Variants in EEFSEC observed in about 807,000 individuals in gnomAD.
EEFSEC encodes selenocysteine-specific elongation factor.
In EEFSEC, 43 loss-of-function variants were observed where a neutral mutation model predicts 42.1. The observed-to-expected ratio is 1.02, with a 90% CI of 0.80 to 1.32. The LOEUF is 1.32. Ranked by LOEUF, EEFSEC falls within the 40% of genes most tolerant of loss-of-function variation. The pLI is 0.00. For missense variants in EEFSEC, 745 were observed against 803.6 expected (o/e 0.93, Z 0.88); for synonymous variants, 354 against 339.1 (o/e 1.04, Z -0.48).
chr3:128,415,946 G>C, the EEFSEC span, among the ~76,000 whole-genome samples: 1 of 152,240 alleles, frequency 6.6e-6, no homozygotes, highest in African/African-American at 2.4e-5. Flanking sequence ...GCTGCTGCCA[G>C]CTGATGCCTG....
rs6439117 is a variant in EEFSEC, at chr3:128,187,342, G to A, written c.316+33519G>A. 6.4e-3 allele frequency among the ~76,000 whole-genome samples: 974 copies of A among 152,312 alleles called. 13 individuals are homozygous for A. Among genetic ancestry groups the A allele is most frequent in the African/African-American group, 0.022 (924 of 41,546 alleles). On this transcript the variant is annotated intron_variant, in intron 1 of 6. Coordinates refer to ENST00000254730, the MANE Select transcript of EEFSEC (RefSeq NM_021937.5). ...CACTAGGAGTTCTGGAAATCAGCAT[G>A]TTGATAGAAATAGTGTGCTAGACCA... is the stretch of plus-strand genomic sequence containing the variant.
At chr3:128,165,089 C>T (rs370192900) in intron 1 of EEFSEC, among the ~76,000 whole-genome samples, 7 of 152,216 alleles carry the variant, frequency 4.6e-5, no homozygotes, top group African/African-American at 7.2e-5. Flanking sequence ...TTTTGGAGAA[C>T]GCTTGCTGTC....
At chr3:128,391,063 C>G (rs1005993251) in intron 6 of EEFSEC, among the ~76,000 whole-genome samples, 1 of 152,262 alleles carries the variant, frequency 6.6e-6, no homozygotes, top group African/African-American at 2.4e-5. Flanking sequence ...TTGGCATCGC[C>G]TGTCTCCCAC....
chr3:128,379,827 GGTCCC>G (rs2067753222), intron 6 of EEFSEC, among the ~76,000 whole-genome samples: 1 of 152,238 alleles, frequency 6.6e-6, no homozygotes, highest in South Asian at 2.1e-4. Context: ...GATGAGGTTG[GGTCCC>G]GTCAGCTGTC....
At chr3:128,369,597 G>T (rs979329757) in intron 6 of EEFSEC, among the ~76,000 whole-genome samples, 1 of 152,168 alleles carries the variant, frequency 6.6e-6, no homozygotes, top group East Asian at 1.9e-4. Context: ...TGGGTAGCAG[G>T]GTACCTTCAA....
At chr3:128,308,289 G>T (rs1181654226) in intron 4 of EEFSEC, among the ~76,000 whole-genome samples, 1 of 152,236 alleles carries the variant, frequency 6.6e-6, no homozygotes, top group Admixed American at 6.5e-5. Flanking sequence ...AGGGGCCAAG[G>T]CTCTGACCTC....
chr3:128,413,625 C>T (rs986163526), downstream of EEFSEC, among the ~76,000 whole-genome samples: 4 of 152,176 alleles, frequency 2.6e-5, no homozygotes, highest in African/African-American at 9.7e-5. Flanking sequence ...TTATCACTGG[C>T]CCCCATGAGG....
intron 6 of EEFSEC, among the ~76,000 whole-genome samples, chr3:128,366,877 G>C (rs1162973200): frequency 6.6e-6 from 1 of 152,176 alleles, no homozygotes. Flanking sequence ...TTGGGTTGGT[G>C]TACTAGTCAA....
At chr3:128,219,050 G>A (rs868073289) in intron 1 of EEFSEC, among the ~76,000 whole-genome samples, 3 of 152,318 alleles carry the variant, frequency 2.0e-5, no homozygotes, top group African/African-American at 7.2e-5. Flanking sequence ...AGGCTATGCC[G>A]AGGCCTGAGC....
In EEFSEC at chr3:128,333,733, G is replaced by C. The variant is rs2067159127; in HGVS notation, c.787-7500G>C. Among the ~76,000 whole-genome samples, 3 of 152,194 alleles carry C rather than the reference G, an allele frequency of 2.0e-5. No individual in the cohort carries two copies. The South Asian group carries it at 6.2e-4, about 31-fold the overall frequency. On this transcript the variant is annotated intron_variant, in intron 4 of 6. Transcript: ENST00000254730. ...GCAAGATGCTGTGGAGAACAGAGAT[G>C]AGCACAGGATGACTCCACCTCAAAC...
chr3:128,372,931 TCAC>T (rs1382613577), intron 6 of EEFSEC, among the ~76,000 whole-genome samples: 2 of 152,234 alleles, frequency 1.3e-5, no homozygotes, highest in Non-Finnish European at 2.9e-5. Flanking sequence ...GCTGTAGATG[TCAC>T]TTCCATGAAA....
chr3:128,399,005 C>T (rs112261890), intron 6 of EEFSEC, among the ~76,000 whole-genome samples: 2,809 of 152,138 alleles, frequency 0.018, 88 homozygotes, highest in African/African-American at 0.06. Flanking sequence ...GCTGCCCCTC[C>T]CTGTATAATT....
intron 2 of EEFSEC, among the ~76,000 whole-genome samples, chr3:128,248,461 GC>G (rs1212650601): frequency 6.6e-6 from 1 of 152,146 alleles, no homozygotes; most frequent in Non-Finnish European, 1.5e-5. Context: ...AGATTTTCTA[GC>G]GCTGCCTTTT....
chr3:128,178,811 C>T (rs1337282012), intron 1 of EEFSEC, among the ~76,000 whole-genome samples: 1 of 152,138 alleles, frequency 6.6e-6, no homozygotes, highest in Admixed American at 6.5e-5. Context: ...CCTTTAATCT[C>T]CAAATACCTG....
In EEFSEC at chr3:128,243,390, G is replaced by A. The variant is rs572469165; in HGVS notation, c.317-3446G>A. 1.4e-4 allele frequency among the ~76,000 whole-genome samples: 22 copies of A among 152,340 alleles called. No individual in the cohort carries two copies. The South Asian group carries it at 1.7e-3, about 11-fold the overall frequency. On this transcript the variant is annotated intron_variant, in intron 1 of 6. Transcript: ENST00000254730. ...CGTGAGAAGCAAGAGGGCCTGATGC[G>A]TGGAGCACATGAGTCATTCCCCTAC...
intron 1 of EEFSEC, among the ~76,000 whole-genome samples, chr3:128,230,213 C>T (rs1305181908): frequency 2.7e-5 from 4 of 147,314 alleles, no homozygotes; most frequent in Non-Finnish European, 4.5e-5. Flanking sequence ...GTGGCACGAT[C>T]ATAGCTCACT....
chr3:128,408,838 G>A (rs1442628463), downstream of EEFSEC, among the ~76,000 whole-genome samples: 1 of 152,304 alleles, frequency 6.6e-6, no homozygotes, highest in East Asian at 1.9e-4. Flanking sequence ...CTCCTGGGGC[G>A]CTCTGGGCCT....
At chr3:128,382,802 C>A (rs929485135) in intron 6 of EEFSEC, among the ~76,000 whole-genome samples, 1 of 151,144 alleles carries the variant, frequency 6.6e-6, no homozygotes, top group African/African-American at 2.4e-5. Flanking sequence ...AGGATGAGCC[C>A]GAAAAAAAAA....
At chr3:128,368,670 T>G (rs1014868378) in intron 6 of EEFSEC, among the ~76,000 whole-genome samples, 1 of 152,226 alleles carries the variant, frequency 6.6e-6, no homozygotes, top group Admixed American at 6.5e-5. Flanking sequence ...CTGGGTCAGC[T>G]CACTGCCTTT....
Sources: gnomAD v4.1 joint callset for allele counts (sites outside exome capture counted in the v4.1 genomes callset) on GRCh38, gnomAD v4.1.1 for gene constraint, MANE v1.5 for transcripts, NCBI Gene and HGNC (gene_info 2026-07-23, HGNC 2026-07-21) for gene names.